CRTC2: variants seen among roughly 807,000 people sequenced by gnomAD.
The protein encoded by CRTC2 is CREB-regulated transcription coactivator 2.
In CRTC2, 25 loss-of-function variants were observed where a neutral mutation model predicts 70.9. The ratio of observed to expected loss-of-function variants is 0.35; its 90% CI spans 0.26 to 0.49. The LOEUF is 0.49. Ranked by LOEUF, CRTC2 falls within the 20% of genes least tolerant of loss-of-function variation. The pLI is 0.98. For missense variants in CRTC2, 737 were observed against 882.6 expected (o/e 0.83, Z 2.09); for synonymous variants, 330 against 364.1 (o/e 0.91, Z 1.07).
chr1:153,953,152 C>T, intron 6 of CRTC2, 114 bp downstream of exon 6: 1 of 619,154 alleles, frequency 1.6e-6, no homozygotes, highest in Non-Finnish European at 2.7e-6. Context: ...CACTGCACTC[C>T]AGCCTAGGCG....
At chr1:153,951,195 G>A (rs1680295383) in intron 11 of CRTC2, 65 bp downstream of exon 11, 1 of 1,542,664 alleles carries the variant, frequency 6.5e-7, no homozygotes. Context: ...GAGGGTGGGA[G>A]GGAAACAACA....
At chr1:153,951,135 A>C in intron 11 of CRTC2, 125 bp downstream of exon 11, 2 of 1,026,150 alleles carry the variant, frequency 1.9e-6, no homozygotes, top group Non-Finnish European at 2.9e-6. Flanking sequence ...GGGCAGGCGG[A>C]GGACAGAGGA....
intron 11 of CRTC2, among the ~76,000 whole-genome samples, chr1:153,950,972 A>C (rs1291607693): frequency 6.6e-6 from 1 of 152,248 alleles, no homozygotes; most frequent in Admixed American, 6.5e-5. Flanking sequence ...TCCTTGTTTT[A>C]GAAATGAAAA....
Position 153,958,590 on chromosome 1 carries a change from G to A in CRTC2, c.-93C>T. On this transcript the variant is annotated 5_prime_UTR_variant, in exon 1 of 14. Coordinates refer to ENST00000368633, the MANE Select transcript of CRTC2 (RefSeq NM_181715.3). ...GGCTCCTCCAGCCGTAGCCACCGCCGCCTCAGCGAGCACCGCGAACCCGGC... is the reference window on the plus strand; with the variant it reads ...GGCTCCTCCAGCCGTAGCCACCGCCACCTCAGCGAGCACCGCGAACCCGGC... 3.9e-6 allele frequency: 5 copies of A among 1,291,258 alleles called. No individual in the cohort carries two copies. The highest frequency in any genetic ancestry group is 5.2e-6 in the Non-Finnish European group (5 of 958,480). The allele number at this position is 1,291,258 out of a possible 1,614,324, so 80.0% of individuals were successfully genotyped here. A position where few individuals can be genotyped will look rare whatever the true frequency, so the allele number is the denominator to read the frequency against.
chr1:153,954,450 T>C, intron 3 of CRTC2, 134 bp from the exon 4 acceptor site: 3 of 692,064 alleles, frequency 4.3e-6, no homozygotes, highest in Non-Finnish European at 7.9e-6. Context: ...GGGACAACAA[T>C]AGGATCAAAG....
At chr1:153,954,829 T>C in intron 3 of CRTC2, 44 bp downstream of exon 3, 1 of 1,543,084 alleles carries the variant, frequency 6.5e-7, no homozygotes, top group Non-Finnish European at 8.9e-7. Context: ...AGGAACCCCA[T>C]CCCACTACCT....
chr1:153,951,737 T>G, intron 10 of CRTC2, 71 bp from the exon 11 acceptor site: 1 of 1,525,096 alleles, frequency 6.6e-7, no homozygotes, highest in South Asian at 1.2e-5. Flanking sequence ...CCACCCAGAA[T>G]GGGTGGCAGT....
intron 1 of CRTC2, among the ~76,000 whole-genome samples, 192 bp from the exon 2 acceptor site, chr1:153,955,358 G>A (rs1021015194): frequency 6.6e-6 from 1 of 152,040 alleles, no homozygotes; most frequent in African/African-American, 2.4e-5. Flanking sequence ...ACAAGGTCAG[G>A]AGATCGACAC....
chr1:153,951,348 G>T lies in CRTC2; in HGVS notation c.1316C>A (p.Ala439Glu). ...GGACCTTCTGGCGTCGGCTGGGCCC[G>T]CGAGCAAACTCAGGGGGCTGAGGGG... is the stretch of plus-strand genomic sequence containing the variant. ...RVPLSPLSLLAGPADARRSQQ... is the reference protein window; with the variant it reads ...RVPLSPLSLLEGPADARRSQQ... Residue 439 changes from alanine (A) to glutamate (E), a missense_variant, in exon 11 of 14, where the codon GCG (alanine) becomes GAG (glutamate). By Grantham distance (107) the Ala-to-Glu change is moderately radical. Transcript: ENST00000368633. 1.9e-6 allele frequency: 3 copies of T among 1,613,454 alleles called. No homozygotes were observed. The highest frequency in any genetic ancestry group is 1.3e-5 in the African/African-American group (1 of 74,992).
At chr1:153,951,701 A>G in intron 10 of CRTC2, 35 bp from the exon 11 acceptor site, 1 of 1,606,948 alleles carries the variant, frequency 6.2e-7, no homozygotes. Flanking sequence ...AGATGCCAAC[A>G]TTACTGATGG....
Position 153,952,452 on chromosome 1 carries a change from G to A in CRTC2, c.703-6C>T, listed in dbSNP as rs775457454. 6.2e-7 allele frequency: 1 copy of A among 1,614,160 alleles called. No homozygotes were observed. Among genetic ancestry groups the A allele is most frequent in the Non-Finnish European group, 8.5e-7 (1 of 1,179,986 alleles). On this transcript the variant is annotated splice_region_variant and splice_polypyrimidine_tract_variant and intron_variant, in intron 8 of 13. Coordinates refer to ENST00000368633, the MANE Select transcript of CRTC2 (RefSeq NM_181715.3). ...CGGGAAGAGGATGAGGATAGCTGAGGAGAGAAGGGAGAATATGGAAAATGA... is the reference window on the plus strand; with the variant it reads ...CGGGAAGAGGATGAGGATAGCTGAGAAGAGAAGGGAGAATATGGAAAATGA...
intron 11 of CRTC2, 88 bp downstream of exon 11, chr1:153,951,172 T>G: frequency 1.5e-6 from 2 of 1,329,740 alleles, no homozygotes; most frequent in Middle Eastern, 1.9e-4. Flanking sequence ...ATAGAGTAGG[T>G]ATTTCAGGAA....
chr1:153,949,280 C>A lies in CRTC2; in HGVS notation c.1509G>T (p.Lys503Asn). The A allele has an allele frequency of 1.2e-6, 2 of 1,614,070 alleles. No individual in the cohort carries two copies. The highest frequency in any genetic ancestry group is 1.7e-6 in the Non-Finnish European group (2 of 1,180,018). Residue 503 changes from lysine to asparagine, a missense_variant, in exon 12 of 14, where the codon AAG becomes AAT. Around this residue, in one of 3 missense-constraint regions of CRTC2, gnomAD observed 699 missense variants for 823.7 expected, o/e 0.85. Coordinates refer to ENST00000368633, the MANE Select transcript of CRTC2 (RefSeq NM_181715.3). Reference sequence around the variant, plus strand: ...AGGGCAGCCCTGGCTGCTGTAGAGACTTTGGGGTGTGGGGCTGGGTAGGCA... The same window carrying A: ...AGGGCAGCCCTGGCTGCTGTAGAGAATTTGGGGTGTGGGGCTGGGTAGGCA... Reference protein sequence around the residue: ...LVLPTQPHTPKSLQQPGLPSQ... With the variant: ...LVLPTQPHTPNSLQQPGLPSQ...
chr1:153,958,220 G>A, intron 1 of CRTC2, 125 bp downstream of exon 1: 1 of 1,437,736 alleles, frequency 7.0e-7, no homozygotes, highest in Non-Finnish European at 9.1e-7. Context: ...CCTCCCAAAC[G>A]GCGGCGCCCG....
In CRTC2 at chr1:153,948,526, T is replaced by C. The variant is rs763387392; in HGVS notation, c.1793A>G (p.His598Arg). 13 of 1,612,532 alleles carry C rather than the reference T, an allele frequency of 8.1e-6. No individual in the cohort carries two copies. Among genetic ancestry groups the C allele is most frequent in the African/African-American group, 4.0e-5 (3 of 74,866 alleles). The change falls in exon 13 of 14, where the codon CAC becomes CGC. Residue 598 changes from histidine to arginine, a missense_variant. Around this residue, in one of 3 missense-constraint regions of CRTC2, gnomAD observed 699 missense variants for 823.7 expected, o/e 0.85. Coordinates refer to ENST00000368633, the MANE Select transcript of CRTC2 (RefSeq NM_181715.3). ...EGPMGGPQDP[H>R]TFNHQNLTHC... The stretch of plus-strand genomic sequence containing the variant: ...GGTCAAGTTCTGGTGGTTGAAGGTG[T>C]GGGGATCCTGGGGGCCACCCATTGG...
At position 153,951,320 on chromosome 1, in the gene CRTC2, T is replaced by C. The variant is rs1290668320; in HGVS notation, c.1344A>G (p.Gln448=). 6.2e-7 allele frequency: 1 copy of C among 1,613,922 alleles called. No individual in the cohort carries two copies. Among genetic ancestry groups the C allele is most frequent in the South Asian group, 1.1e-5 (1 of 91,056 alleles). Residue 448 remains glutamine (Q), a synonymous_variant, in exon 11 of 14, where the codon CAA becomes CAG. Transcript: ENST00000368633. ...LAGPADARRS[Q]QQLPKQFSPT... ...GCGAAAACTGTTTGGGCAGCTGCTG[T>C]TGGGACCTTCTGGCGTCGGCTGGGC... is the stretch of plus-strand genomic sequence containing the variant.
rs1450678438 is a variant in CRTC2, at chr1:153,952,426, T to C, written c.723A>G (p.Arg241=). Residue 241 remains arginine, a synonymous_variant, in exon 9 of 14, where the codon CGA becomes CGG. Transcript: ENST00000368633. ...TTCCAGGGACTTCACAGGACCGAGG[T>C]CGGGAAGAGGATGAGGATAGCTGAG... ...DAKKLSSSSS[R]PRSCEVPGIN... is the part of the protein sequence containing the mutation. The C allele has an allele frequency of 1.2e-6, 2 of 1,613,950 alleles. No homozygotes were observed. The highest frequency in any genetic ancestry group is 1.1e-5 in the South Asian group (1 of 91,064).
intron 10 of CRTC2, 129 bp downstream of exon 10, chr1:153,951,889 A>G: frequency 7.6e-7 from 1 of 1,312,700 alleles, no homozygotes; most frequent in Non-Finnish European, 1.1e-6. Flanking sequence ...CCGTGAGGGA[A>G]TCCTGGGGTG....
chr1:153,958,540 GCGGCCTC>G lies in CRTC2; in HGVS notation c.-50_-44del. ...CCCTGCCACCCTCCCAGTACCAGCCGCGGCCTCCGCCGCGGCCTCGGCCCGGCTCCTC... is the reference window on the plus strand; with the variant it reads ...CCCTGCCACCCTCCCAGTACCAGCCGCGCCGCGGCCTCGGCCCGGCTCCTC... On this transcript the variant is annotated 5_prime_UTR_variant, in exon 1 of 14. Coordinates refer to ENST00000368633, the MANE Select transcript of CRTC2 (RefSeq NM_181715.3). The G allele has an allele frequency of 6.5e-7, 1 of 1,535,148 alleles. No homozygotes were observed. Among genetic ancestry groups the G allele is most frequent in the Non-Finnish European group, 8.8e-7 (1 of 1,140,266 alleles).
Sources: gnomAD v4.1 joint callset for allele counts (sites outside exome capture counted in the v4.1 genomes callset) on GRCh38, gnomAD v4.1.1 for gene constraint, gnomAD v4.1.1 regional missense constraint, MANE v1.5 for transcripts, NCBI Gene and HGNC (gene_info 2026-07-23, HGNC 2026-07-21) for gene names.